The following GNG4 variants were observed in gnomAD, a reference collection of about 807,000 sequenced individuals.
The protein encoded by GNG4 is G protein subunit gamma 4, also known as guanine nucleotide-binding protein G(I)/G(S)/G(O) subunit gamma-4.
A neutral mutation model predicts 5.8 loss-of-function variants in GNG4; 4 were observed. That is an observed-to-expected ratio of 0.69 (90% confidence interval 0.34 to 1.57). The LOEUF is 1.57. Ranked by LOEUF, GNG4 falls within the 40% of genes most tolerant of loss-of-function variation. The pLI is 0.06. For missense variants in GNG4, 96 were observed against 95.1 expected (o/e 1.01, Z -0.04); for synonymous variants, 29 against 32.9 (o/e 0.88, Z 0.41).
At chr1:235,632,118 C>G (rs1688943741) in intron 1 of GNG4, among the ~76,000 whole-genome samples, 1 of 152,114 alleles carries the variant, frequency 6.6e-6, no homozygotes. Flanking sequence ...CAGGTTCTTG[C>G]TCTGTCAACC....
At chr1:235,598,548 G>A (rs1230506981) in intron 1 of GNG4, among the ~76,000 whole-genome samples, 1 of 152,166 alleles carries the variant, frequency 6.6e-6, no homozygotes, top group Non-Finnish European at 1.5e-5. Context: ...TTTTGAGGCT[G>A]CAGTGAGCTG....
Position 235,596,118 on chromosome 1 carries a change from G to A in GNG4, c.-122-607C>T, listed in dbSNP as rs576555077. On this transcript the variant is annotated intron_variant, in intron 1 of 3. Transcript: ENST00000391854. ...GAACCCGGGAGGCGGAGCTTGCGGT[G>A]AGCCAAGATCGCTCCACTGCACTCC... is the stretch of plus-strand genomic sequence containing the variant. 2.0e-5 allele frequency among the ~76,000 whole-genome samples: 3 copies of A among 152,150 alleles called. No individual in the cohort carries two copies. The East Asian group carries it at 5.8e-4, about 29-fold the overall frequency.
intron 2 of GNG4, among the ~76,000 whole-genome samples, chr1:235,594,659 G>A (rs1373545201): frequency 6.6e-6 from 1 of 152,228 alleles, no homozygotes; most frequent in South Asian, 2.1e-4. Context: ...CCCGGGGCTT[G>A]CGGGCCGGCC....
Position 235,648,981 on chromosome 1 carries a change from G to C in GNG4, c.-123+681C>G, listed in dbSNP as rs909732473. On this transcript the variant is annotated intron_variant, in intron 1 of 3. Transcript: ENST00000391854. The surrounding 1 kb of genome is among the most constrained non-coding windows in gnomAD (Gnocchi z 5.0). ...CCACTTCACCCTCCCGCCGTTTCGC[G>C]TTATTTCCAAGGCAATTTAAAAAAT... is the stretch of plus-strand genomic sequence containing the variant. 2.0e-5 allele frequency among the ~76,000 whole-genome samples: 3 copies of C among 152,172 alleles called. No homozygotes were observed. Among genetic ancestry groups the C allele is most frequent in the African/African-American group, 4.8e-5 (2 of 41,432 alleles).
chr1:235,595,344 T>G (rs888426835), intron 2 of GNG4, 56 bp downstream of exon 2: 3 of 152,432 alleles, frequency 2.0e-5, no homozygotes, highest in African/African-American at 7.2e-5. Flanking sequence ...CACATGCTCC[T>G]GGCGAAGACA....
chr1:235,591,968 T>C (rs1687974393), intron 2 of GNG4, among the ~76,000 whole-genome samples: 1 of 152,182 alleles, frequency 6.6e-6, no homozygotes, highest in Non-Finnish European at 1.5e-5. Flanking sequence ...TAGCACCAAG[T>C]TAGCCCTGAG....
At chr1:235,592,946 CA>C (rs1256246936) in intron 2 of GNG4, among the ~76,000 whole-genome samples, 4 of 89,066 alleles carry the variant, frequency 4.5e-5, no homozygotes, top group Admixed American at 1.8e-4. Flanking sequence ...TGCTCTGTAA[CA>C]TTTTTTTTTT....
chr1:235,649,188 G>C lies in GNG4; in HGVS notation c.-123+474C>G, dbSNP rs565991383. ...CGGCGTCTGGGCTGCTGGGGAGCCA[G>C]GAGGGCTTCCTCAGGCACTCGCCAG... is the stretch of plus-strand genomic sequence containing the variant. On this transcript the variant is annotated intron_variant, in intron 1 of 3. Transcript: ENST00000391854. The surrounding 1 kb of genome is among the most constrained non-coding windows in gnomAD (Gnocchi z 5.7). Among the ~76,000 whole-genome samples the C allele has an allele frequency of 1.3e-5, 2 of 152,292 alleles. No individual in the cohort carries two copies. The highest frequency in any genetic ancestry group is 4.8e-5 in the African/African-American group (2 of 41,570).
At chr1:235,560,590 C>A (rs924791203) in intron 3 of GNG4, among the ~76,000 whole-genome samples, 1 of 152,294 alleles carries the variant, frequency 6.6e-6, no homozygotes. Context: ...ATCCATTATT[C>A]ATTTGGCTAC....
chr1:235,581,006 C>A (rs1473730978), intron 3 of GNG4, among the ~76,000 whole-genome samples: 1 of 152,084 alleles, frequency 6.6e-6, no homozygotes, highest in African/African-American at 2.4e-5. Context: ...CCTGCCTCGG[C>A]CTTCCAAAGT....
At chr1:235,557,802 C>T (rs1024213689) in intron 3 of GNG4, among the ~76,000 whole-genome samples, 1 of 152,108 alleles carries the variant, frequency 6.6e-6, no homozygotes, top group African/African-American at 2.4e-5. Context: ...ACAGCTCAGT[C>T]GAGGAGAAGT....
chr1:235,606,706 C>T (rs1279898128), intron 1 of GNG4, among the ~76,000 whole-genome samples: 1 of 152,078 alleles, frequency 6.6e-6, no homozygotes. Context: ...AGATGGAATT[C>T]ACAGGGAGTT....
rs1200655746 is a variant in GNG4 at position 235,580,739 on chromosome 1, G to GTTTT, written c.99+2997_99+3000dup. 1.7e-3 allele frequency among the ~76,000 whole-genome samples: 169 copies of GTTTT among 98,012 alleles called. 31 individuals are homozygous for GTTTT. The highest frequency in any genetic ancestry group is 0.012 in the East Asian group (34 of 2,838). 64.3% of individuals were successfully genotyped at this position (98,012 alleles called of 152,430 possible). A position where few individuals can be genotyped will look rare whatever the true frequency, so the allele number is the denominator to read the frequency against. On this transcript the variant is annotated intron_variant, in intron 3 of 3. Coordinates refer to ENST00000391854, the MANE Select transcript of GNG4 (RefSeq NM_001098722.2). ...GCACAGCAACATGGCGGCCTATCCCGTTTTTTGTTTTTTTTTTTTTTTTTT... is the reference window on the plus strand; with the variant it reads ...GCACAGCAACATGGCGGCCTATCCCGTTTTTTTTTTGTTTTTTTTTTTTTTTTTT...
intron 2 of GNG4, among the ~76,000 whole-genome samples, chr1:235,592,937 G>C (rs902478168): frequency 1.5e-5 from 2 of 133,230 alleles, no homozygotes; most frequent in East Asian, 4.8e-4. Flanking sequence ...ACCCCGGTTT[G>C]CTCTGTAACA....
At chr1:235,633,953 C>T (rs1432590477) in intron 1 of GNG4, among the ~76,000 whole-genome samples, 1 of 152,112 alleles carries the variant, frequency 6.6e-6, no homozygotes, top group Non-Finnish European at 1.5e-5. Flanking sequence ...GACGAGAATC[C>T]AAATGTGAGA....
rs1657444633 is a variant in GNG4, at chr1:235,644,471, C to A, written c.-123+5191G>T. Among the ~76,000 whole-genome samples the A allele has an allele frequency of 6.6e-6, 1 of 152,236 alleles. No homozygotes were observed. The highest frequency in any genetic ancestry group is 6.5e-5 in the Admixed American group (1 of 15,288). On this transcript the variant is annotated intron_variant, in intron 1 of 3. Coordinates refer to ENST00000391854, the MANE Select transcript of GNG4 (RefSeq NM_001098722.2). This position sits in a 1 kb window ranked among gnomAD's most constrained non-coding sequence, Gnocchi z 5.9. Reference sequence around the variant, plus strand: ...GACGCTGTCTCTCATCCTGGTAACACCTTCTTCCCCGCACACACCGTCAAA... The same window carrying A: ...GACGCTGTCTCTCATCCTGGTAACAACTTCTTCCCCGCACACACCGTCAAA...
chr1:235,599,276 C>T (rs1688196251), intron 1 of GNG4, among the ~76,000 whole-genome samples: 1 of 151,674 alleles, frequency 6.6e-6, no homozygotes, highest in Non-Finnish European at 1.5e-5. Context: ...CCTACGAAGT[C>T]AAATCTGCGG....
At chr1:235,603,658 C>G (rs550216955) in intron 1 of GNG4, among the ~76,000 whole-genome samples, 2 of 152,302 alleles carry the variant, frequency 1.3e-5, no homozygotes, top group East Asian at 3.9e-4. Flanking sequence ...ATCTTGAGTG[C>G]CCGATAGCAT....
At chr1:235,557,218 G>T (rs1480845489) in intron 3 of GNG4, among the ~76,000 whole-genome samples, 1 of 152,080 alleles carries the variant, frequency 6.6e-6, no homozygotes, top group African/African-American at 2.4e-5. Context: ...ATACTCAGCC[G>T]CTATACTACA....
Sources: allele counts gnomAD v4.1 joint callset (sites outside exome capture counted in the v4.1 genomes callset), GRCh38; gene constraint gnomAD v4.1.1; non-coding constraint Gnocchi (gnomAD v3.1); transcripts MANE v1.5; gene names NCBI Gene and HGNC (gene_info 2026-07-23, HGNC 2026-07-21).